Variants in MDGA2 observed in about 807,000 individuals in gnomAD.
MDGA2 encodes the protein MAM domain containing glycosylphosphatidylinositol anchor 2, also known as MAM domain-containing glycosylphosphatidylinositol anchor protein 2.
Under a neutral mutation model 117.8 loss-of-function variants are expected in MDGA2, and 40 were observed. The observed-to-expected ratio is 0.34, with a 90% CI of 0.26 to 0.44. MDGA2 has a LOEUF of 0.44. Among genes scored for constraint, MDGA2 ranks in the 20% least tolerant of loss-of-function variants. MDGA2 has a pLI of 1.00. For missense variants in MDGA2, 1,123 were observed against 1,250.6 expected (o/e 0.90, Z 1.54); for synonymous variants, 452 against 439.0 (o/e 1.03, Z -0.37).
chr14:47,429,413 A>G (rs1169215205), intron 1 of MDGA2, among the ~76,000 whole-genome samples: 1 of 152,176 alleles, frequency 6.6e-6, no homozygotes, highest in South Asian at 2.1e-4. Context: ...AACACAGGTA[A>G]TGGTTTTGTA....
At chr14:47,558,982 C>G (rs988797270) in intron 1 of MDGA2, among the ~76,000 whole-genome samples, 2 of 151,946 alleles carry the variant, frequency 1.3e-5, no homozygotes, top group African/African-American at 4.8e-5. Context: ...TGCAAAAGAG[C>G]TTTATATTAA....
At chr14:47,173,440 C>G (rs996203136) in intron 3 of MDGA2, among the ~76,000 whole-genome samples, 2 of 152,218 alleles carry the variant, frequency 1.3e-5, no homozygotes, top group African/African-American at 4.8e-5. Context: ...ATCAGACTAA[C>G]AGCGGATCTC....
chr14:46,994,285 T>C (rs1245307690), intron 8 of MDGA2, among the ~76,000 whole-genome samples: 2 of 152,148 alleles, frequency 1.3e-5, no homozygotes, highest in African/African-American at 4.8e-5. Flanking sequence ...GATTTTAGTC[T>C]GTATTCTTCC....
At chr14:47,282,431 G>A (rs1888523864) in intron 2 of MDGA2, among the ~76,000 whole-genome samples, 1 of 152,108 alleles carries the variant, frequency 6.6e-6, no homozygotes, top group Non-Finnish European at 1.5e-5. Context: ...TGTAATCCCA[G>A]CACTTTGGGA....
At chr14:47,342,885 G>C in intron 1 of MDGA2, 1 of 401,900 alleles carries the variant, frequency 2.5e-6, no homozygotes, top group East Asian at 7.5e-5. Flanking sequence ...TCCGTGTGGG[G>C]GAAAAAAGAG....
intron 1 of MDGA2, among the ~76,000 whole-genome samples, chr14:47,654,106 G>GA (rs1457766968): frequency 6.6e-6 from 1 of 152,070 alleles, no homozygotes; most frequent in Non-Finnish European, 1.5e-5. Flanking sequence ...TAAATAAAAA[G>GA]AAATTCACCT....
chr14:46,929,583 G>A (rs1884458408), intron 9 of MDGA2, among the ~76,000 whole-genome samples: 1 of 6,932 alleles, frequency 1.4e-4, no homozygotes, highest in African/African-American at 5.5e-4. Flanking sequence ...ATATATACGT[G>A]TGTGTGTGTG....
intron 8 of MDGA2, among the ~76,000 whole-genome samples, chr14:46,970,723 C>A (rs1886229101): frequency 1.3e-5 from 2 of 151,856 alleles, no homozygotes; most frequent in African/African-American, 4.8e-5. Context: ...AAAGCATCTG[C>A]ACAGCAAGGG....
At chr14:47,369,948 T>G (rs982589304) in intron 1 of MDGA2, among the ~76,000 whole-genome samples, 5 of 152,192 alleles carry the variant, frequency 3.3e-5, no homozygotes, top group Non-Finnish European at 4.4e-5. Flanking sequence ...ACTTTCTTTG[T>G]GACATTTTCT....
rs148053003 is a variant in MDGA2, at chr14:47,226,356, T to A, written c.421-8161A>T. On this transcript the variant is annotated intron_variant, in intron 2 of 16. Coordinates refer to ENST00000399232, the MANE Select transcript of MDGA2 (RefSeq NM_001113498.3). Reference sequence around the variant, plus strand: ...AGAGGGACTCATCACGGTAGACAAGTAAGAAACAGGTAAAATAGCGGGGCG... The same window carrying A: ...AGAGGGACTCATCACGGTAGACAAGAAAGAAACAGGTAAAATAGCGGGGCG... Among the ~76,000 whole-genome samples the A allele has an allele frequency of 1.6e-4, 25 of 152,180 alleles. No homozygotes were observed. The East Asian group carries it at 4.6e-3, about 28-fold the overall frequency.
intron 3 of MDGA2, among the ~76,000 whole-genome samples, chr14:47,168,449 T>A (rs894697611): frequency 6.6e-6 from 1 of 152,080 alleles, no homozygotes; most frequent in Non-Finnish European, 1.5e-5. Flanking sequence ...ACACAACTCT[T>A]CAGATTCTTT....
At chr14:46,881,751 G>A (rs1047171792) in intron 11 of MDGA2, among the ~76,000 whole-genome samples, 4 of 152,018 alleles carry the variant, frequency 2.6e-5, no homozygotes, top group Non-Finnish European at 4.4e-5. Flanking sequence ...AAGATAAAAT[G>A]CAGACAAATA....
Position 47,174,562 on chromosome 14 carries a change from G to A in MDGA2, c.596-30288C>T, listed in dbSNP as rs1358108682. 2.0e-5 allele frequency among the ~76,000 whole-genome samples: 3 copies of A among 152,236 alleles called. No individual in the cohort carries two copies. The East Asian group carries it at 5.8e-4, about 29-fold the overall frequency. On this transcript the variant is annotated intron_variant, in intron 3 of 16. Coordinates refer to ENST00000399232, the MANE Select transcript of MDGA2 (RefSeq NM_001113498.3). ...CCTGAATGACTACTGGGTACATAATGAAATGAAGGCAGAAATAAAGATGTT... is the reference window on the plus strand; with the variant it reads ...CCTGAATGACTACTGGGTACATAATAAAATGAAGGCAGAAATAAAGATGTT...
intron 2 of MDGA2, among the ~76,000 whole-genome samples, chr14:47,285,904 A>C (rs971749565): frequency 5.4e-4 from 82 of 152,222 alleles, no homozygotes; most frequent in African/African-American, 1.9e-3. Flanking sequence ...GAAAGTGGAG[A>C]CATTAGATTT....
At chr14:47,101,265 G>A (rs1485071820) in intron 5 of MDGA2, among the ~76,000 whole-genome samples, 1 of 152,090 alleles carries the variant, frequency 6.6e-6, no homozygotes, top group Non-Finnish European at 1.5e-5. Flanking sequence ...CCAAAATCAT[G>A]AACTCTCAAT....
At chr14:46,934,152 A>G (rs1884693823) in intron 9 of MDGA2, among the ~76,000 whole-genome samples, 1 of 151,974 alleles carries the variant, frequency 6.6e-6, no homozygotes, top group Non-Finnish European at 1.5e-5. Flanking sequence ...CATTTATGTT[A>G]TACTTGGAAT....
chr14:46,918,758 A>ATTTTTTTTTTTTTTTT (rs1884000042), intron 10 of MDGA2, among the ~76,000 whole-genome samples: 10 of 108,646 alleles, frequency 9.2e-5, no homozygotes, highest in Admixed American at 1.8e-4. Flanking sequence ...CATACAGTGT[A>ATTTTTTTTTTTTTTTT]TCTTTTTTTT....
intron 1 of MDGA2, among the ~76,000 whole-genome samples, chr14:47,540,873 T>C (rs183628639): frequency 9.2e-5 from 14 of 152,218 alleles, no homozygotes; most frequent in Non-Finnish European, 1.0e-4. Flanking sequence ...CCACACTATA[T>C]ATTTTATTTG....
intron 1 of MDGA2, among the ~76,000 whole-genome samples, chr14:47,548,382 C>G (rs1895506712): frequency 6.6e-6 from 1 of 151,796 alleles, no homozygotes; most frequent in African/African-American, 2.4e-5. Flanking sequence ...GAAAACGGGA[C>G]AATTTAAGAA....
Sources: gnomAD v4.1 joint callset for allele counts (sites outside exome capture counted in the v4.1 genomes callset) on GRCh38, gnomAD v4.1.1 for gene constraint, MANE v1.5 for transcripts, NCBI Gene and HGNC (gene_info 2026-07-23, HGNC 2026-07-21) for gene names.